NUP188: variants seen among roughly 807,000 people sequenced by gnomAD.
NUP188 encodes nucleoporin 188, also known as nucleoporin NUP188.
NUP188 carries 97 observed loss-of-function variants against 223.0 expected under a neutral mutation model. The observed-to-expected ratio is 0.43, with a 90% CI of 0.37 to 0.51. The LOEUF (loss-of-function observed/expected upper bound fraction) is 0.51. Among genes scored for constraint, NUP188 ranks in the 20% least tolerant of loss-of-function variants. NUP188 has a pLI of 0.00. For synonymous variants in NUP188, 869 were observed against 828.0 expected (o/e 1.05, Z -0.85); for missense variants, 1,947 against 2,175.6 (o/e 0.89, Z 2.09).
chr9:128,979,213 C>A, intron 12 of NUP188, 49 bp from the exon 13 acceptor site: 1 of 1,320,754 alleles, frequency 7.6e-7, no homozygotes, highest in Non-Finnish European at 1.1e-6. Context: ...TAAAGATAGA[C>A]TGGTTCAGCT....
intron 32 of NUP188, 74 bp downstream of exon 32, chr9:128,998,697 G>A: frequency 8.3e-7 from 1 of 1,199,916 alleles, no homozygotes; most frequent in East Asian, 2.3e-5. Context: ...TCCTGAAAGG[G>A]AGAAATAGTG....
intron 12 of NUP188, among the ~76,000 whole-genome samples, chr9:128,977,747 C>T (rs1318588676): frequency 1.3e-5 from 2 of 151,690 alleles, no homozygotes; most frequent in African/African-American, 2.4e-5. Context: ...TGCAGTGAGC[C>T]GAGATTGTGC....
chr9:128,988,250 A>C, intron 24 of NUP188, 64 bp downstream of exon 24: 1 of 1,571,616 alleles, frequency 6.4e-7, no homozygotes, highest in Admixed American at 1.7e-5. Flanking sequence ...TTTGCTCATA[A>C]ATACGTATCT....
intron 8 of NUP188, among the ~76,000 whole-genome samples, chr9:128,960,453 A>C (rs555902641): frequency 2.4e-4 from 37 of 152,264 alleles, no homozygotes; most frequent in African/African-American, 7.7e-4. Context: ...CATTCTTATT[A>C]AAACACATCA....
chr9:129,001,849 G>T, intron 35 of NUP188, 35 bp from the exon 36 acceptor site: 2 of 1,604,518 alleles, frequency 1.2e-6, no homozygotes, highest in Non-Finnish European at 1.7e-6. Context: ...GCAGGGGCAG[G>T]CTCCATCTCA....
At chr9:128,951,888 G>A (rs899112515) in intron 2 of NUP188, among the ~76,000 whole-genome samples, 2 of 151,698 alleles carry the variant, frequency 1.3e-5, no homozygotes, top group Non-Finnish European at 2.9e-5. Context: ...TGCCTCCCAG[G>A]TTCAAGTGAT....
At chr9:128,961,443 TGGA>T (rs1030017301) in intron 8 of NUP188, among the ~76,000 whole-genome samples, 1 of 151,062 alleles carries the variant, frequency 6.6e-6, no homozygotes, top group African/African-American at 2.4e-5. Flanking sequence ...ATCCAGGTGG[TGGA>T]GGTTGCAGTG....
chr9:128,982,796 C>G, intron 16 of NUP188, 95 bp downstream of exon 16: 1 of 1,585,062 alleles, frequency 6.3e-7, no homozygotes, highest in Non-Finnish European at 8.6e-7. Flanking sequence ...AATTTAGAAC[C>G]ATCAAGATTG....
Position 128,969,523 on chromosome 9 carries a change from G to T in NUP188, c.912+9G>T. 1 of 1,461,812 alleles carries T rather than the reference G, an allele frequency of 6.8e-7. No homozygotes were observed. The highest frequency in any genetic ancestry group is 1.3e-5 in the South Asian group (1 of 76,524). 90.6% of individuals were successfully genotyped at this position (1,461,812 alleles called of 1,614,324 possible). A position where few individuals can be genotyped will look rare whatever the true frequency, so the allele number is the denominator to read the frequency against. ...ATGGGCTTATTTGTCAGGTGACTTG[G>T]AATAGCCTCTTTTTTTTCAGAGGGT... On this transcript the variant is annotated intron_variant, in intron 10 of 43. Transcript: ENST00000372577.
intron 36 of NUP188, among the ~76,000 whole-genome samples, 173 bp downstream of exon 36, chr9:129,002,149 C>T (rs1040760235): frequency 6.6e-6 from 1 of 152,270 alleles, no homozygotes; most frequent in African/African-American, 2.4e-5. Flanking sequence ...AAACTCACCA[C>T]TAAAAGGCAC....
At chr9:128,993,122 G>A (rs1344070652) in intron 25 of NUP188, 75 bp from the exon 26 acceptor site, 9 of 1,257,928 alleles carry the variant, frequency 7.2e-6, no homozygotes, top group South Asian at 1.2e-5. Context: ...GAGCTCTTCA[G>A]TGCCCTTCTG....
At chr9:128,992,035 T>G (rs1308885233) in intron 25 of NUP188, among the ~76,000 whole-genome samples, 2 of 148,972 alleles carry the variant, frequency 1.3e-5, no homozygotes, top group Admixed American at 1.3e-4. Context: ...GCCTCCCGAG[T>G]AGCTGGGACT....
intron 8 of NUP188, among the ~76,000 whole-genome samples, chr9:128,964,469 C>T (rs1356892008): frequency 6.6e-6 from 1 of 151,422 alleles, no homozygotes; most frequent in African/African-American, 2.4e-5. Flanking sequence ...TCAAGTGACC[C>T]TCCTGTCACA....
In NUP188 at chr9:128,982,558, C is replaced by G. The variant is rs369451056; in HGVS notation, c.1526C>G (p.Thr509Ser). Residue 509 changes from threonine (T) to serine (S), a missense_variant, in exon 16 of 44, where the codon ACC becomes AGC. This residue lies in a region of NUP188 where 817 missense variants were observed against 865.8 expected (regional missense o/e 0.94). Transcript: ENST00000372577. ...PKLLYPLGGQ[T>S]NLRIPQGTVG... is the part of the protein sequence containing the mutation. ...TATCTTTCTCTCTCAGGGGGTCAAA[C>G]CAACCTTCGCATACCTCAAGGCACT... 2 of 1,610,218 alleles carry G rather than the reference C, an allele frequency of 1.2e-6. No homozygotes were observed. The highest frequency in any genetic ancestry group is 1.7e-6 in the Non-Finnish European group (2 of 1,178,910).
In NUP188 at chr9:128,998,175, T is replaced by A. The variant is rs1219836254; in HGVS notation, c.3376T>A (p.Ser1126Thr). 6.2e-7 allele frequency: 1 copy of A among 1,614,026 alleles called. No homozygotes were observed. The highest frequency in any genetic ancestry group is 1.7e-5 in the Admixed American group (1 of 60,020). The change falls in exon 31 of 44, where the codon TCT becomes ACT. Residue 1126 changes from serine (S) to threonine (T), a missense_variant. Physicochemically the swap from Ser to Thr is moderately conservative, Grantham distance 58 (BLOSUM62 1). Coordinates refer to ENST00000372577, the MANE Select transcript of NUP188 (RefSeq NM_015354.3). ...GGCAGATATAATGCACCTGACTGAC[T>A]CTGTGGTGCGTCGCCAGCTCTTTCT... The part of the protein sequence containing the change: ...THADIMHLTD[S>T]VVRRQLFLDV...
rs537074803 is a variant in NUP188, at chr9:129,005,857, T to C, written c.4869+81T>C. The C allele has an allele frequency of 2.0e-6, 3 of 1,519,458 alleles. No individual in the cohort carries two copies. The East Asian group carries it at 6.8e-5, about 34-fold the overall frequency. 94.1% of individuals were successfully genotyped at this position (1,519,458 alleles called of 1,614,324 possible). A position where few individuals can be genotyped will look rare whatever the true frequency, so the allele number is the denominator to read the frequency against. ...CACTTCCCAGCTGACCTTGGGCATGTTGGGCATGGTACCTAGCCTCCCAAG... is the reference window on the plus strand; with the variant it reads ...CACTTCCCAGCTGACCTTGGGCATGCTGGGCATGGTACCTAGCCTCCCAAG... On this transcript the variant is annotated intron_variant, in intron 41 of 43. Coordinates refer to ENST00000372577, the MANE Select transcript of NUP188 (RefSeq NM_015354.3).
At chr9:128,966,956 G>A (rs983801952) in intron 8 of NUP188, among the ~76,000 whole-genome samples, 2 of 152,110 alleles carry the variant, frequency 1.3e-5, no homozygotes, top group Non-Finnish European at 2.9e-5. Context: ...AATAATCTAT[G>A]GCATATCCAC....
chr9:128,994,391 T>C lies in NUP188; in HGVS notation c.3036T>C (p.Asn1012=), dbSNP rs1842482820. The C allele has an allele frequency of 6.2e-7, 1 of 1,613,278 alleles. No individual in the cohort carries two copies. Among genetic ancestry groups the C allele is most frequent in the African/African-American group, 1.3e-5 (1 of 74,872 alleles). ...VLRTKPKFWE[N]LTSPLFGTLS... ...TTTTTAGACCCAAGTTTTGGGAAAA[T>C]TTAACCAGTCCGCTGTTTGGAACCC... The change falls in exon 28 of 44, where the codon AAT becomes AAC. Residue 1012 remains asparagine (N), a synonymous_variant. Transcript: ENST00000372577.
At chr9:128,971,707 C>G (rs1222091829) in intron 11 of NUP188, among the ~76,000 whole-genome samples, 1 of 152,138 alleles carries the variant, frequency 6.6e-6, no homozygotes, top group Non-Finnish European at 1.5e-5. Context: ...CGTGAGCCAC[C>G]GTGCCCAGCT....
Sources: gnomAD v4.1 joint callset for allele counts (sites outside exome capture counted in the v4.1 genomes callset) on GRCh38, gnomAD v4.1.1 for gene constraint, gnomAD v4.1.1 regional missense constraint, MANE v1.5 for transcripts, NCBI Gene and HGNC (gene_info 2026-07-23, HGNC 2026-07-21) for gene names.